MRC1: variants seen among roughly 807,000 people sequenced by gnomAD.
MRC1 encodes the protein macrophage mannose receptor 1.
MRC1 carries 62 observed loss-of-function variants against 102.9 expected under a neutral mutation model. The ratio of observed to expected loss-of-function variants is 0.60; its 90% confidence interval spans 0.49 to 0.74. The LOEUF is 0.74. Among genes scored for constraint, MRC1 ranks in the 30% least tolerant of loss-of-function variants. MRC1 has a pLI of 0.00. For missense variants in MRC1, 1,237 were observed against 862.8 expected, an observed-to-expected ratio of 1.43 and a Z score of -5.43; for synonymous variants, 457 against 298.4, an observed-to-expected ratio of 1.53 and a Z score of -5.48.
chr10:17,845,055 A>G lies in MRC1; in HGVS notation c.917-234A>G, dbSNP rs551648461. The G allele has an allele frequency of 8.9e-3, 6,790 of 761,322 alleles. 325 individuals are homozygous for G. The African/African-American group carries it at 0.099, about 11-fold the overall frequency. The allele number at this position is 761,322 out of a possible 1,614,324, so 47.2% of individuals were successfully genotyped here. On this transcript the variant is annotated intron_variant, in intron 5 of 29. Transcript: ENST00000569591. ...GGGGAAAGGGTTGTTTCAAAGAAGT[A>G]TATTTGCTTTATCAACATTCTAAGT... is the stretch of plus-strand genomic sequence containing the variant.
intron 3 of MRC1, 140 bp from the exon 4 acceptor site, chr10:17,833,535 A>G: frequency 2.9e-6 from 2 of 698,550 alleles, no homozygotes; most frequent in East Asian, 2.5e-5. Context: ...AAAAAAAAAA[A>G]AAGTAGAAAG....
intron 23 of MRC1, among the ~76,000 whole-genome samples, chr10:17,895,431 G>C (rs1366930452): frequency 1.3e-5 from 2 of 151,616 alleles, no homozygotes; most frequent in East Asian, 3.9e-4. Context: ...TTAGAAATTT[G>C]GGATATTTGC....
At chr10:17,825,759 T>C (rs960813512) in intron 2 of MRC1, among the ~76,000 whole-genome samples, 1 of 152,224 alleles carries the variant, frequency 6.6e-6, no homozygotes, top group East Asian at 1.9e-4. Flanking sequence ...AATAAAGCTA[T>C]ATGTCATTGG....
Position 17,863,750 on chromosome 10 carries a change from C to T in MRC1, c.1783+68C>T, listed in dbSNP as rs1461968026. The T allele has an allele frequency of 8.1e-6, 6 of 744,648 alleles. No homozygotes were observed. In the African/African-American group the frequency reaches 1.0e-4, roughly 13 times the overall value. The allele number at this position is 744,648 out of a possible 1,614,324, so 46.1% of individuals were successfully genotyped here. On this transcript the variant is annotated intron_variant, in intron 11 of 29. Coordinates refer to ENST00000569591, the MANE Select transcript of MRC1 (RefSeq NM_002438.4). The stretch of plus-strand genomic sequence containing the variant: ...ATCTGTTAGATAAAGTCTGTTATTC[C>T]TCCGGGTATCTCTGCAAATAGACTA...
At chr10:17,831,330 C>T (rs1838569362) in intron 3 of MRC1, among the ~76,000 whole-genome samples, 1 of 151,258 alleles carries the variant, frequency 6.6e-6, no homozygotes, top group African/African-American at 2.5e-5. Context: ...CTTGCAACAC[C>T]TCAGATCATT....
chr10:17,910,306 C>G lies in MRC1; in HGVS notation c.4212C>G (p.Gly1404=). Residue 1404 remains glycine, a synonymous_variant, in exon 30 of 30, where the codon GGC becomes GGG. Coordinates refer to ENST00000569591, the MANE Select transcript of MRC1 (RefSeq NM_002438.4). ...TCCTCCTGATTTTAACGGGTGCTGG[C>G]CTTGCCGCCTATTTCTTTTATAAGA... The part of the protein sequence containing the change: ...IVILLILTGA[G]LAAYFFYKKR... The G allele has an allele frequency of 2.6e-6, 2 of 780,828 alleles. No individual in the cohort carries two copies. Among genetic ancestry groups the G allele is most frequent in the South Asian group, 2.7e-5 (2 of 74,618 alleles). 48.4% of individuals were successfully genotyped at this position (780,828 alleles called of 1,614,324 possible). A position where few individuals can be genotyped will look rare whatever the true frequency, so the allele number is the denominator to read the frequency against.
rs1056671793 is a variant in MRC1 at position 17,859,345 on chromosome 10, T to G, written c.1519-2042T>G. On this transcript the variant is annotated intron_variant, in intron 9 of 29. Transcript: ENST00000569591. The stretch of plus-strand genomic sequence containing the variant: ...TGTTGTTGTTGTTTTTGAGAAGGAG[T>G]CTTGCTATGTTGCCCAGGCTGGCAT... Among the ~76,000 whole-genome samples, 165 of 152,218 alleles carry G rather than the reference T, an allele frequency of 1.1e-3. 1 individual carries two copies. The highest frequency in any genetic ancestry group is 3.6e-3 in the African/African-American group (149 of 41,522).
intron 21 of MRC1, among the ~76,000 whole-genome samples, chr10:17,881,670 A>AT (rs1184943960): frequency 0.04 from 4,136 of 102,552 alleles, 297 homozygotes; most frequent in African/African-American, 0.14. Context: ...ACAAATTTTG[A>AT]TTTTTTTTTT....
intron 21 of MRC1, among the ~76,000 whole-genome samples, chr10:17,883,158 C>T (rs1833542087): frequency 3.3e-5 from 5 of 152,182 alleles, no homozygotes; most frequent in African/African-American, 4.8e-5. Flanking sequence ...GATAGGGTCT[C>T]GCTTGATCAC....
chr10:17,896,191 C>T (rs879149071), intron 23 of MRC1, among the ~76,000 whole-genome samples: 58,187 of 151,996 alleles, frequency 0.38, 11,535 homozygotes, highest in African/African-American at 0.49. Flanking sequence ...TTGGAAGGTA[C>T]TTACTCTCCC....
chr10:17,845,308 T>C lies in MRC1; in HGVS notation c.936T>C (p.Pro312=). The C allele has an allele frequency of 1.3e-6, 1 of 780,818 alleles. No homozygotes were observed. Among genetic ancestry groups the C allele is most frequent in the Non-Finnish European group, 2.4e-6 (1 of 417,944 alleles). The allele number at this position is 780,818 out of a possible 1,614,324, so 48.4% of individuals were successfully genotyped here. A position where few individuals can be genotyped will look rare whatever the true frequency, so the allele number is the denominator to read the frequency against. ...TCGAAGGAAGTCCATCAGCTGAACC[T>C]GGAAAAAGCTGTGTGTCACTAAATC... The part of the protein sequence containing the change: ...NWLPGSPSAE[P]GKSCVSLNPG... The change falls in exon 6 of 30, where the codon CCT becomes CCC. Residue 312 remains proline, a synonymous_variant. Transcript: ENST00000569591.
intron 6 of MRC1, among the ~76,000 whole-genome samples, chr10:17,847,004 G>C (rs1172002264): frequency 2.6e-5 from 4 of 152,128 alleles, no homozygotes; most frequent in African/African-American, 9.7e-5. Flanking sequence ...TATAGATTTG[G>C]CCAAGATCCT....
Position 17,879,758 on chromosome 10 carries a change from G to A in MRC1, c.2656G>A (p.Ala886Thr). The A allele has an allele frequency of 1.3e-6, 1 of 780,824 alleles. No individual in the cohort carries two copies. Among genetic ancestry groups the A allele is most frequent in the Non-Finnish European group, 2.4e-6 (1 of 417,954 alleles). 48.4% of individuals were successfully genotyped at this position (780,824 alleles called of 1,614,324 possible). A position where few individuals can be genotyped will look rare whatever the true frequency, so the allele number is the denominator to read the frequency against. The change falls in exon 19 of 30, where the codon GCC becomes ACC. Residue 886 changes from alanine to threonine, a missense_variant. Ala to Thr is a moderately conservative substitution (Grantham distance 58). Coordinates refer to ENST00000569591, the MANE Select transcript of MRC1 (RefSeq NM_002438.4). ...AAGCAAAGTGGATTACGTGTCTTGG[G>A]CCACAGGTGAACCCAATTTTGCAAA... Reference protein sequence around the residue: ...DGSKVDYVSWATGEPNFANED... With the variant: ...DGSKVDYVSWTTGEPNFANED...
At chr10:17,830,838 G>T (rs976001939) in intron 3 of MRC1, among the ~76,000 whole-genome samples, 7 of 150,840 alleles carry the variant, frequency 4.6e-5, no homozygotes, top group Non-Finnish European at 1.0e-4. Context: ...CCATTCCTAG[G>T]TTTAAAAACA....
At chr10:17,816,161 T>C (rs1838308695) in intron 1 of MRC1, among the ~76,000 whole-genome samples, 1 of 152,240 alleles carries the variant, frequency 6.6e-6, no homozygotes, top group Non-Finnish European at 1.5e-5. Flanking sequence ...TTGAATGTAC[T>C]AGGTGCAGGG....
rs1374190885 is a variant in MRC1 at position 17,867,487 on chromosome 10, G to A, written c.1983+726G>A. On this transcript the variant is annotated intron_variant, in intron 12 of 29. Transcript: ENST00000569591. The stretch of plus-strand genomic sequence containing the variant: ...ATCTAGGCTGGAATACAGTAATACA[G>A]TCATGGCTCACTGCAGCCTCAAACA... Among the ~76,000 whole-genome samples, 4 of 151,478 alleles carry A rather than the reference G, an allele frequency of 2.6e-5. No individual in the cohort carries two copies. The East Asian group carries it at 7.8e-4, about 30-fold the overall frequency.
chr10:17,897,142 A>G (rs1038993826), intron 23 of MRC1, among the ~76,000 whole-genome samples: 18 of 152,318 alleles, frequency 1.2e-4, no homozygotes, highest in African/African-American at 3.6e-4. Flanking sequence ...ATTCTTCTCT[A>G]TCCCCAACCA....
chr10:17,861,270 G>A (rs1270745845), intron 9 of MRC1, 117 bp from the exon 10 acceptor site: 33 of 568,176 alleles, frequency 5.8e-5, no homozygotes, highest in Admixed American at 2.8e-4. Context: ...CCAAGATTGC[G>A]CCATTGTACT....
chr10:17,856,401 A>G (rs1049817741), intron 9 of MRC1, 49 bp downstream of exon 9: 3 of 812,654 alleles, frequency 3.7e-6, no homozygotes, highest in South Asian at 1.4e-5. Flanking sequence ...GTATGAGTTG[A>G]TACCGTTGGC....
Sources: allele counts gnomAD v4.1 joint callset (sites outside exome capture counted in the v4.1 genomes callset), GRCh38; gene constraint gnomAD v4.1.1; transcripts MANE v1.5; gene names NCBI Gene and HGNC (gene_info 2026-07-23, HGNC 2026-07-21).